Variants in LHFPL3 observed in about 807,000 individuals in gnomAD.
LHFPL3 encodes LHFPL tetraspan subfamily member 3.
In LHFPL3, 5 loss-of-function variants were observed where a neutral mutation model predicts 19.3. The ratio of observed to expected loss-of-function variants is 0.26; its 90% confidence interval spans 0.14 to 0.54. The LOEUF (loss-of-function observed/expected upper bound fraction) is 0.54, where lower values mean the gene tolerates loss of function less well. Among genes scored for constraint, LHFPL3 ranks in the 20% least tolerant of loss-of-function variants. The probability of loss-of-function intolerance (pLI) is 0.94; values close to 1 mark genes in which losing one functional copy is unlikely to be tolerated. For synonymous variants in LHFPL3, 133 were observed against 126.2 expected, an observed-to-expected ratio of 1.05 and a Z score of -0.36; for missense variants, 249 against 307.4, an observed-to-expected ratio of 0.81 and a Z score of 1.42.
At chr7:104,454,022 T>C (rs184560240) in intron 1 of LHFPL3, among the ~76,000 whole-genome samples, 47 of 152,304 alleles carry the variant, frequency 3.1e-4, no homozygotes, top group African/African-American at 1.1e-3. Context: ...TTTATAGCAA[T>C]GCAAGAACTG....
chr7:104,759,608 C>G (rs1470718606), intron 2 of LHFPL3: 3 of 152,168 alleles, frequency 2.0e-5, no homozygotes, highest in African/African-American at 2.4e-5. Flanking sequence ...GGACAGCAGA[C>G]AGTTCACTCA....
chr7:104,739,661 T>C lies in LHFPL3; in HGVS notation c.682+2750T>C, dbSNP rs140069367. On this transcript the variant is annotated intron_variant, in intron 2 of 2. Coordinates refer to ENST00000424859, the MANE Select transcript of LHFPL3 (RefSeq NM_199000.3). ...TTTTTCTGATAAAACTACTGAGATG[T>C]ACAATGGTAGTCAAGGCTTCCTTTT... 5.6e-3 allele frequency among the ~76,000 whole-genome samples: 858 copies of C among 152,318 alleles called. 7 individuals carry two copies. Among genetic ancestry groups the C allele is most frequent in the African/African-American group, 0.019 (795 of 41,574 alleles).
chr7:104,531,331 T>TCA (rs1284001853), intron 1 of LHFPL3, among the ~76,000 whole-genome samples: 3 of 152,174 alleles, frequency 2.0e-5, no homozygotes, highest in African/African-American at 7.2e-5. Flanking sequence ...AAGCTAACAA[T>TCA]CACATCTGTT....
intron 1 of LHFPL3, among the ~76,000 whole-genome samples, chr7:104,733,352 A>G (rs181799341): frequency 6.6e-6 from 1 of 152,134 alleles, no homozygotes; most frequent in Non-Finnish European, 1.5e-5. Flanking sequence ...ATTGTGTGGG[A>G]GTCTAAGTCT....
rs557758015 is a variant in LHFPL3 at position 104,348,370 on chromosome 7, C to T, written c.445+19146C>T. On this transcript the variant is annotated intron_variant, in intron 1 of 2. Transcript: ENST00000424859. The stretch of plus-strand genomic sequence containing the variant: ...ATTGCACTCCAGCCTGGCGACAGAG[C>T]GAGACTCCGTCTCAAAAAAAGAACA... 5.3e-5 allele frequency among the ~76,000 whole-genome samples: 8 copies of T among 152,232 alleles called. No homozygotes were observed. The East Asian group carries it at 1.4e-3, about 26-fold the overall frequency.
intron 1 of LHFPL3, among the ~76,000 whole-genome samples, chr7:104,364,394 G>GAC (rs143182510): frequency 0.021 from 3,167 of 152,084 alleles, 46 homozygotes; most frequent in Non-Finnish European, 0.033. Flanking sequence ...ATTAACCATT[G>GAC]ACACACACAC....
chr7:104,801,544 T>C (rs1232793096), intron 2 of LHFPL3, among the ~76,000 whole-genome samples: 1 of 152,064 alleles, frequency 6.6e-6, no homozygotes, highest in African/African-American at 2.4e-5. Context: ...TGTTTTTTTG[T>C]TTTTGTATGT....
intron 1 of LHFPL3, among the ~76,000 whole-genome samples, chr7:104,599,044 T>C (rs988081429): frequency 6.6e-6 from 1 of 152,226 alleles, no homozygotes; most frequent in Non-Finnish European, 1.5e-5. Context: ...ACTCCCCTCA[T>C]ATGAGTGCTT....
At chr7:104,543,658 G>A (rs1201098328) in intron 1 of LHFPL3, among the ~76,000 whole-genome samples, 90 of 148,744 alleles carry the variant, frequency 6.1e-4, no homozygotes, top group African/African-American at 1.3e-3. Flanking sequence ...GCAAACTATC[G>A]CAAGGACAAA....
intron 1 of LHFPL3, among the ~76,000 whole-genome samples, chr7:104,706,926 A>T (rs993923983): frequency 6.9e-5 from 10 of 144,814 alleles, no homozygotes; most frequent in African/African-American, 2.2e-4. Context: ...AGGGAGGAGG[A>T]TAATGACTAC....
intron 1 of LHFPL3, among the ~76,000 whole-genome samples, chr7:104,475,412 T>C (rs572715667): frequency 1.6e-4 from 25 of 152,238 alleles, no homozygotes; most frequent in Non-Finnish European, 1.8e-4. Context: ...TTAAAAATAA[T>C]GTCTTAAAGC....
At chr7:104,786,392 A>G (rs1789913951) in intron 2 of LHFPL3, 1 of 152,196 alleles carries the variant, frequency 6.6e-6, no homozygotes, top group African/African-American at 2.4e-5. Flanking sequence ...CACCTACCTC[A>G]TAGCACTGTC....
At chr7:104,342,317 G>C (rs952170483) in intron 1 of LHFPL3, among the ~76,000 whole-genome samples, 1 of 151,906 alleles carries the variant, frequency 6.6e-6, no homozygotes, top group Non-Finnish European at 1.5e-5. Flanking sequence ...AAAAAGTAGG[G>C]TTGGAAATCC....
intron 2 of LHFPL3, among the ~76,000 whole-genome samples, chr7:104,771,163 C>T (rs1376304235): frequency 2.0e-5 from 3 of 152,134 alleles, no homozygotes; most frequent in South Asian, 2.1e-4. Context: ...AAACTTACCA[C>T]GCTCTGCCAG....
chr7:104,641,035 A>G (rs1224507704), intron 1 of LHFPL3, among the ~76,000 whole-genome samples: 1 of 152,244 alleles, frequency 6.6e-6, no homozygotes. Flanking sequence ...TCGTTTCCCA[A>G]GTGAACATAT....
At chr7:104,345,025 C>T (rs1047194228) in intron 1 of LHFPL3, among the ~76,000 whole-genome samples, 1 of 152,250 alleles carries the variant, frequency 6.6e-6, no homozygotes, top group African/African-American at 2.4e-5. Flanking sequence ...TCTCATAAAA[C>T]TGTTTGAGAC....
At chr7:104,488,760 G>A (rs1185494615) in intron 1 of LHFPL3, among the ~76,000 whole-genome samples, 2 of 152,192 alleles carry the variant, frequency 1.3e-5, no homozygotes, top group Admixed American at 1.3e-4. Context: ...AGGAATCACA[G>A]CCACAAGGAC....
chr7:104,413,283 A>G (rs17137434), intron 1 of LHFPL3, among the ~76,000 whole-genome samples: 7,866 of 152,194 alleles, frequency 0.052, 690 homozygotes, highest in African/African-American at 0.18. Flanking sequence ...GGGCCATGAC[A>G]TAGATATGCC....
At chr7:104,623,045 T>G (rs1249195685) in intron 1 of LHFPL3, 2 of 354,876 alleles carry the variant, frequency 5.6e-6, no homozygotes, top group African/African-American at 4.2e-5. Flanking sequence ...ATGTTGAGCA[T>G]CTTTTCATGT....
Sources: gnomAD v4.1 joint callset for allele counts (sites outside exome capture counted in the v4.1 genomes callset) on GRCh38, gnomAD v4.1.1 for gene constraint, MANE v1.5 for transcripts, NCBI Gene and HGNC (gene_info 2026-07-23, HGNC 2026-07-21) for gene names.